ZNF385D: variants seen among roughly 807,000 people sequenced by gnomAD.
ZNF385D encodes the protein zinc finger protein 659.
A neutral mutation model predicts 35.8 loss-of-function variants in ZNF385D; 15 were observed. That is an observed-to-expected ratio of 0.42 (90% CI 0.28 to 0.64). The LOEUF (loss-of-function observed/expected upper bound fraction) is 0.64. ZNF385D is among the 30% of genes least tolerant of loss of function. The probability of loss-of-function intolerance (pLI) is 0.23; values close to 1 mark genes in which losing one functional copy is unlikely to be tolerated. For missense variants in ZNF385D, 474 were observed against 494.6 expected (o/e 0.96, Z 0.39); for synonymous variants, 212 against 186.8 (o/e 1.13, Z -1.10).
chr3:22,006,248 G>C (rs1232941172), intron 3 of ZNF385D, among the ~76,000 whole-genome samples: 3 of 152,096 alleles, frequency 2.0e-5, no homozygotes, highest in Non-Finnish European at 4.4e-5. Context: ...TAGTGTATCT[G>C]TGGTAAGACA....
intron 2 of ZNF385D, among the ~76,000 whole-genome samples, chr3:22,196,422 T>C (rs1450307210): frequency 1.3e-5 from 2 of 152,108 alleles, no homozygotes; most frequent in Non-Finnish European, 2.9e-5. Context: ...TGAAAACACA[T>C]ATATTTGAAT....
At position 21,623,682 on chromosome 3, in the gene ZNF385D, A is replaced by AAAAACCAC. The variant is rs2065064656; in HGVS notation, c.165+41196_165+41203dup. On this transcript the variant is annotated intron_variant, in intron 2 of 7. Coordinates refer to ENST00000281523, the MANE Select transcript of ZNF385D (RefSeq NM_024697.3). Reference sequence around the variant, plus strand: ...GTCTTAAAACAAAAACAAAAAAACAAAAAACCACAATGTCTTTGTGTACAC... The same window carrying AAAAACCAC: ...GTCTTAAAACAAAAACAAAAAAACAAAAAACCACAAAACCACAATGTCTTTGTGTACAC... 2.0e-5 allele frequency among the ~76,000 whole-genome samples: 3 copies of AAAAACCAC among 152,190 alleles called. No homozygotes were observed. The South Asian group carries it at 6.2e-4, about 32-fold the overall frequency.
intron 2 of ZNF385D, among the ~76,000 whole-genome samples, chr3:21,570,275 T>G (rs1424413898): frequency 6.6e-6 from 1 of 152,172 alleles, no homozygotes; most frequent in African/African-American, 2.4e-5. Context: ...TGCATTTCTA[T>G]CTAAGGCCTA....
chr3:21,968,810 G>C (rs1314662245), intron 3 of ZNF385D, among the ~76,000 whole-genome samples: 2 of 152,284 alleles, frequency 1.3e-5, no homozygotes, highest in East Asian at 3.9e-4. Context: ...GTTAGCTAAA[G>C]GGAGAGACTC....
At chr3:22,279,503 C>T (rs1335622088) in intron 2 of ZNF385D, among the ~76,000 whole-genome samples, 1 of 136,298 alleles carries the variant, frequency 7.3e-6, no homozygotes, top group Non-Finnish European at 1.5e-5. Flanking sequence ...TACATATGTA[C>T]ATATATATGT....
At chr3:22,018,731 G>C (rs752706579) in intron 3 of ZNF385D, among the ~76,000 whole-genome samples, 35 of 151,836 alleles carry the variant, frequency 2.3e-4, no homozygotes, top group Admixed American at 8.5e-4. Context: ...ATTGTTTTTA[G>C]CTTGGGTTAT....
chr3:21,886,598 C>A (rs565158697), intron 3 of ZNF385D, among the ~76,000 whole-genome samples: 2 of 151,974 alleles, frequency 1.3e-5, no homozygotes, highest in Non-Finnish European at 2.9e-5. Context: ...CTTGTTCAGG[C>A]CTAGTCTCAT....
chr3:21,432,155 C>T (rs951899327), intron 5 of ZNF385D, among the ~76,000 whole-genome samples: 8 of 151,994 alleles, frequency 5.3e-5, no homozygotes, highest in African/African-American at 1.9e-4. Flanking sequence ...GCTTCAATGT[C>T]CTCATTTATT....
At chr3:21,920,293 T>C (rs1700390350) in intron 3 of ZNF385D, among the ~76,000 whole-genome samples, 1 of 152,154 alleles carries the variant, frequency 6.6e-6, no homozygotes, top group African/African-American at 2.4e-5. Context: ...ACAGACGCAG[T>C]GCTTCAAACA....
chr3:22,321,009 A>G (rs1694389390), intron 2 of ZNF385D, among the ~76,000 whole-genome samples: 2 of 151,954 alleles, frequency 1.3e-5, no homozygotes, highest in African/African-American at 4.8e-5. Flanking sequence ...GGAAAAACAT[A>G]ATAAATCCTG....
At chr3:21,946,266 T>G (rs1164646615) in intron 3 of ZNF385D, among the ~76,000 whole-genome samples, 5 of 152,314 alleles carry the variant, frequency 3.3e-5, no homozygotes, top group African/African-American at 7.2e-5. Context: ...GTAAAATATT[T>G]AATAGTCTAT....
chr3:22,204,352 A>C (rs933409269), intron 2 of ZNF385D, among the ~76,000 whole-genome samples: 32 of 152,066 alleles, frequency 2.1e-4, no homozygotes, highest in African/African-American at 7.2e-4. Context: ...ATAAAAGACA[A>C]GTTCCTCTGA....
chr3:21,952,892 G>C (rs1489553113), intron 3 of ZNF385D, among the ~76,000 whole-genome samples: 1 of 151,912 alleles, frequency 6.6e-6, no homozygotes, highest in Non-Finnish European at 1.5e-5. Context: ...AGAATTGCTA[G>C]TTACACGAAA....
chr3:22,313,659 A>G (rs765348036), intron 2 of ZNF385D, among the ~76,000 whole-genome samples: 2 of 152,228 alleles, frequency 1.3e-5, no homozygotes, highest in Non-Finnish European at 2.9e-5. Flanking sequence ...ACCCAAAGGT[A>G]AAACAGATGA....
chr3:22,215,218 G>A (rs1436209066), intron 2 of ZNF385D, among the ~76,000 whole-genome samples: 1 of 151,894 alleles, frequency 6.6e-6, no homozygotes, highest in East Asian at 1.9e-4. Context: ...ATGCGTGTTT[G>A]AACAATACGA....
At chr3:22,133,482 G>A (rs1482043127) in intron 3 of ZNF385D, 1 of 152,014 alleles carries the variant, frequency 6.6e-6, no homozygotes, top group African/African-American at 2.4e-5. Flanking sequence ...ATAATTGTAT[G>A]CTAGAATACA....
intron 2 of ZNF385D, among the ~76,000 whole-genome samples, chr3:21,577,934 C>T (rs114845803): frequency 0.026 from 3,944 of 151,864 alleles, 173 homozygotes; most frequent in African/African-American, 0.089. Context: ...CTCAGCCTTC[C>T]AAGAAGCTGG....
At chr3:21,872,666 A>C (rs1697753560) in intron 3 of ZNF385D, among the ~76,000 whole-genome samples, 1 of 152,112 alleles carries the variant, frequency 6.6e-6, no homozygotes, top group Admixed American at 6.6e-5. Context: ...TGCCATTTAC[A>C]ATGTGGCAAA....
At chr3:22,097,241 G>C (rs1196559605) in intron 3 of ZNF385D, among the ~76,000 whole-genome samples, 1 of 152,036 alleles carries the variant, frequency 6.6e-6, no homozygotes, top group East Asian at 1.9e-4. Context: ...TTTTGAGGTG[G>C]TTTGTTACAG....
Sources: gnomAD v4.1 joint callset for allele counts (sites outside exome capture counted in the v4.1 genomes callset) on GRCh38, gnomAD v4.1.1 for gene constraint, MANE v1.5 for transcripts, NCBI Gene and HGNC (gene_info 2026-07-23, HGNC 2026-07-21) for gene names.